Variants in PMS1 observed in about 807,000 individuals in gnomAD.
The protein encoded by PMS1 is PMS1 homolog 1, mismatch repair system component.
PMS1 carries 79 observed loss-of-function variants against 93.1 expected under a neutral mutation model. The ratio of observed to expected loss-of-function variants is 0.85; its 90% CI spans 0.71 to 1.02. The LOEUF (loss-of-function observed/expected upper bound fraction) is 1.02. Among genes scored for constraint, PMS1 ranks in the 50% least tolerant of loss-of-function variants. The pLI, the probability that PMS1 is intolerant of heterozygous loss-of-function variation, is 0.00. For missense variants in PMS1, 1,064 were observed against 1,085.3 expected (o/e 0.98, Z 0.28); for synonymous variants, 335 against 363.4 (o/e 0.92, Z 0.89).
At chr2:189,839,442 A>G (rs1435848837) in intron 5 of PMS1, among the ~76,000 whole-genome samples, 2 of 152,236 alleles carry the variant, frequency 1.3e-5, no homozygotes, top group African/African-American at 2.4e-5. Flanking sequence ...AAGGGAAACT[A>G]TAAACCCCTT....
At chr2:189,785,643 T>A (rs143492313) in intron 1 of PMS1, among the ~76,000 whole-genome samples, 35 of 152,222 alleles carry the variant, frequency 2.3e-4, no homozygotes, top group Middle Eastern at 3.4e-3. Flanking sequence ...ATGAGGTTAA[T>A]TAGAAATGAG....
chr2:189,863,434 A>G (rs977884730), intron 9 of PMS1, among the ~76,000 whole-genome samples: 2 of 151,910 alleles, frequency 1.3e-5, no homozygotes, highest in African/African-American at 4.8e-5. Context: ...TTGTGTTTTT[A>G]GTAGAGACAG....
In PMS1 at chr2:189,873,688, T is replaced by C. The variant is rs186011165; in HGVS notation, c.2634+32T>C. ...ATTATTTTATATATATGTTATTGTA[T>C]ACAGGGGTCCCAACTCCCGGGCCAA... On this transcript the variant is annotated intron_variant, in intron 12 of 12. Coordinates refer to ENST00000441310, the MANE Select transcript of PMS1 (RefSeq NM_000534.5). 50 of 1,526,498 alleles carry C rather than the reference T, an allele frequency of 3.3e-5. 1 individual carries two copies. Among genetic ancestry groups the C allele is most frequent in the Admixed American group, 2.9e-4 (17 of 59,244 alleles). The allele number at this position is 1,526,498 out of a possible 1,614,324, so 94.6% of individuals were successfully genotyped here.
intron 6 of PMS1, among the ~76,000 whole-genome samples, chr2:189,851,297 C>T (rs1349837669): frequency 6.6e-6 from 1 of 152,156 alleles, no homozygotes; most frequent in Non-Finnish European, 1.5e-5. Flanking sequence ...ATTATTTATT[C>T]TTATCCTCTC....
At chr2:189,868,862 A>T (rs956112522) in intron 11 of PMS1, among the ~76,000 whole-genome samples, 1 of 152,108 alleles carries the variant, frequency 6.6e-6, no homozygotes, top group African/African-American at 2.4e-5. Flanking sequence ...TCCTACCTCA[A>T]TTCTATTAGT....
chr2:189,843,749 G>A (rs1428888547), intron 5 of PMS1, among the ~76,000 whole-genome samples: 1 of 152,092 alleles, frequency 6.6e-6, no homozygotes, highest in African/African-American at 2.4e-5. Flanking sequence ...CAAGGTAAAG[G>A]GAAGTTAAAT....
chr2:189,817,884 A>AGCCTTTGG, intron 4 of PMS1, 133 bp from the exon 5 acceptor site: 1 of 700,040 alleles, frequency 1.4e-6, no homozygotes, highest in Non-Finnish European at 2.6e-6. Context: ...TGCAAAGTTG[A>AGCCTTTGG]GCCTTTGGGT....
rs200395679 is a variant in PMS1, at chr2:189,795,946, G to C, written c.310G>C (p.Ala104Pro). ...AGCCTTGGGGTCAATTTGTTGTATA[G>C]CTGAGGTAAGGTAATTATATTGGTT... ...GEALGSICCI[A>P]EVLITTRTAA... Residue 104 changes from alanine (A) to proline (P), a missense_variant, in exon 3 of 13, where the codon GCT (alanine) becomes CCT (proline). Coordinates refer to ENST00000441310, the MANE Select transcript of PMS1 (RefSeq NM_000534.5). 2.5e-6 allele frequency: 4 copies of C among 1,600,798 alleles called. No homozygotes were observed. The Admixed American group carries it at 5.0e-5, about 20-fold the overall frequency.
At chr2:189,806,013 A>G (rs2050311849) in intron 4 of PMS1, 1 of 1,186,140 alleles carries the variant, frequency 8.4e-7, no homozygotes, top group Non-Finnish European at 1.1e-6. Flanking sequence ...AACTAAGAGT[A>G]TTTATTTTAC....
chr2:189,854,582 A>G lies in PMS1; in HGVS notation c.1310A>G (p.Gln437Arg). 5.0e-6 allele frequency: 8 copies of G among 1,613,552 alleles called. No individual in the cohort carries two copies. The highest frequency in any genetic ancestry group is 5.9e-6 in the Non-Finnish European group (7 of 1,179,520). Residue 437 changes from glutamine (Q) to arginine (R), a missense_variant, in exon 9 of 13, where the codon CAG becomes CGG. By Grantham distance (43) the Gln-to-Arg change is conservative. Coordinates refer to ENST00000441310, the MANE Select transcript of PMS1 (RefSeq NM_000534.5). ...GATAAAAACACTAAGAATGCATTTC[A>G]GGACATTTCAATGAGTAATGTATCA... Reference protein sequence around the residue: ...NIDKNTKNAFQDISMSNVSWE... With the variant: ...NIDKNTKNAFRDISMSNVSWE...
intron 5 of PMS1, among the ~76,000 whole-genome samples, chr2:189,819,111 G>C (rs1421209635): frequency 6.6e-6 from 1 of 152,146 alleles, no homozygotes; most frequent in African/African-American, 2.4e-5. Flanking sequence ...CATACATGTG[G>C]TTTAGCTTCC....
At chr2:189,791,986 G>A (rs769541705) in intron 2 of PMS1, 45 bp downstream of exon 2, 141 of 1,564,538 alleles carry the variant, frequency 9.0e-5, no homozygotes, top group Non-Finnish European at 1.2e-4. Flanking sequence ...CAAAGAAAAG[G>A]GTCTGGACAC....
At chr2:189,873,842 A>C (rs536815294) in intron 12 of PMS1, among the ~76,000 whole-genome samples, 186 bp downstream of exon 12, 1 of 152,256 alleles carries the variant, frequency 6.6e-6, no homozygotes, top group Admixed American at 6.5e-5. Context: ...CCTATTGTGA[A>C]CTGTGTATGC....
At chr2:189,848,130 C>T (rs1268301324) in intron 6 of PMS1, among the ~76,000 whole-genome samples, 2 of 152,152 alleles carry the variant, frequency 1.3e-5, no homozygotes, top group Non-Finnish European at 2.9e-5. Context: ...GGCAAGGGTA[C>T]TGTCTGAATT....
intron 4 of PMS1, chr2:189,806,513 T>A (rs1239712220): frequency 4.4e-6 from 1 of 229,758 alleles, no homozygotes; most frequent in Non-Finnish European, 8.7e-6. Flanking sequence ...TCCTCCCACC[T>A]CAGCCTCCTC....
chr2:189,830,153 TC>T (rs1163696635), intron 5 of PMS1, among the ~76,000 whole-genome samples: 1 of 152,234 alleles, frequency 6.6e-6, no homozygotes, highest in African/African-American at 2.4e-5. Context: ...TTACAGCTGT[TC>T]AGCCCTGTTG....
chr2:189,823,616 T>C (rs1181494537), intron 5 of PMS1, among the ~76,000 whole-genome samples: 2 of 152,262 alleles, frequency 1.3e-5, no homozygotes, highest in African/African-American at 2.4e-5. Flanking sequence ...TAAGGAGTTA[T>C]ATGTCTGCCG....
At chr2:189,809,583 C>T (rs2050658514) in intron 4 of PMS1, among the ~76,000 whole-genome samples, 1 of 151,048 alleles carries the variant, frequency 6.6e-6, no homozygotes, top group African/African-American at 2.4e-5. Context: ...CAGTGGCTCA[C>T]GCCTGTAATC....
chr2:189,837,869 C>T (rs1205120404), intron 5 of PMS1, among the ~76,000 whole-genome samples: 1 of 152,116 alleles, frequency 6.6e-6, no homozygotes, highest in East Asian at 1.9e-4. Context: ...GAATGAAGTA[C>T]TGATATAAAT....
Sources: gnomAD v4.1 joint callset for allele counts (sites outside exome capture counted in the v4.1 genomes callset) on GRCh38, gnomAD v4.1.1 for gene constraint, MANE v1.5 for transcripts, NCBI Gene and HGNC (gene_info 2026-07-23, HGNC 2026-07-21) for gene names.